The following SNAP91 variants were observed in gnomAD, a reference collection of about 807,000 sequenced individuals.
SNAP91 encodes the protein synaptosome associated protein 91.
A neutral mutation model predicts 100.3 loss-of-function variants in SNAP91; 27 were observed. The observed-to-expected ratio is 0.27, with a 90% CI of 0.20 to 0.37. The LOEUF is 0.37. Among genes scored for constraint, SNAP91 ranks in the 10% least tolerant of loss-of-function variants. The pLI, the probability that SNAP91 is intolerant of heterozygous loss-of-function variation, is 1.00. For synonymous variants in SNAP91, 404 were observed against 398.6 expected (o/e 1.01, Z -0.16); for missense variants, 986 against 1,123.7 (o/e 0.88, Z 1.75).
intron 3 of SNAP91, among the ~76,000 whole-genome samples, chr6:83,664,795 T>C (rs2098644826): frequency 6.6e-6 from 1 of 152,178 alleles, no homozygotes. Flanking sequence ...GATAAAATGC[T>C]GTCAAAGAGC....
rs1392354468 is a variant in SNAP91, at chr6:83,617,054, T to G, written c.808-15A>C. Reference sequence around the variant, plus strand: ...CTGCTGGGAGCCTACAATAAGAAAGTAAAAATAAATGTCTGCATTGTTTAC... The same window carrying G: ...CTGCTGGGAGCCTACAATAAGAAAGGAAAAATAAATGTCTGCATTGTTTAC... On this transcript the variant is annotated splice_polypyrimidine_tract_variant and intron_variant, in intron 9 of 29. Transcript: ENST00000369694. The G allele has an allele frequency of 9.3e-6, 14 of 1,502,834 alleles. No individual in the cohort carries two copies. The highest frequency in any genetic ancestry group is 1.2e-5 in the Non-Finnish European group (13 of 1,110,804). 93.1% of individuals were successfully genotyped at this position (1,502,834 alleles called of 1,614,324 possible).
At chr6:83,615,716 T>G (rs2096446736) in intron 10 of SNAP91, among the ~76,000 whole-genome samples, 1 of 152,128 alleles carries the variant, frequency 6.6e-6, no homozygotes, top group Non-Finnish European at 1.5e-5. Context: ...ACTGCAAATT[T>G]AAAACACGCA....
intron 2 of SNAP91, among the ~76,000 whole-genome samples, chr6:83,692,461 G>A (rs2099143557): frequency 6.6e-6 from 1 of 151,832 alleles, no homozygotes; most frequent in South Asian, 2.1e-4. Flanking sequence ...GTTACAGTGA[G>A]CTGAGATCTC....
chr6:83,558,491 A>G (rs1376057447), intron 28 of SNAP91, among the ~76,000 whole-genome samples: 1 of 152,238 alleles, frequency 6.6e-6, no homozygotes, highest in Non-Finnish European at 1.5e-5. Flanking sequence ...AGGGTTTCTC[A>G]CATTCTAAAT....
At chr6:83,641,263 CTTATG>C in intron 7 of SNAP91, 61 bp from the exon 8 acceptor site, 1 of 744,088 alleles carries the variant, frequency 1.3e-6, no homozygotes, top group African/African-American at 1.9e-5. Flanking sequence ...TTTTTCTAAG[CTTATG>C]TTAAGATTAC....
intron 5 of SNAP91, among the ~76,000 whole-genome samples, chr6:83,659,606 G>C (rs1383981929): frequency 6.6e-6 from 1 of 151,618 alleles, no homozygotes. Context: ...TAAAAAATTT[G>C]TTTTGGTAGG....
chr6:83,601,495 A>G, intron 15 of SNAP91, 57 bp from the exon 16 acceptor site: 1 of 1,611,844 alleles, frequency 6.2e-7, no homozygotes, highest in Non-Finnish European at 8.5e-7. Context: ...AGGACAAAAG[A>G]TATACCAGAC....
At chr6:83,605,627 G>A (rs1178159224) in intron 14 of SNAP91, 58 bp downstream of exon 14, 1 of 1,544,802 alleles carries the variant, frequency 6.5e-7, no homozygotes, top group Non-Finnish European at 8.7e-7. Flanking sequence ...TATAGCCTAA[G>A]TAAAAACAAT....
intron 22 of SNAP91, among the ~76,000 whole-genome samples, chr6:83,590,043 C>A (rs1267853913): frequency 6.6e-6 from 1 of 152,136 alleles, no homozygotes; most frequent in East Asian, 1.9e-4. Flanking sequence ...GGCAGCTTCC[C>A]AGTGGTGATG....
chr6:83,592,881 T>A, intron 20 of SNAP91, 65 bp downstream of exon 20: 1 of 1,198,610 alleles, frequency 8.3e-7, no homozygotes, highest in Non-Finnish European at 1.2e-6. Context: ...ACATGTTATA[T>A]CCTTCTCTCT....
chr6:83,690,483 A>C, intron 2 of SNAP91: 67 of 1,112,130 alleles, frequency 6.0e-5, no homozygotes, highest in East Asian at 1.2e-4. Context: ...GAAAATACTC[A>C]ACTCTCTGCT....
chr6:83,555,386 T>C (rs1256627920), intron 29 of SNAP91, among the ~76,000 whole-genome samples: 1 of 152,174 alleles, frequency 6.6e-6, no homozygotes, highest in Admixed American at 6.5e-5. Context: ...CCTGGGCAAA[T>C]TCCTTAATGC....
intron 6 of SNAP91, 69 bp downstream of exon 6, chr6:83,658,930 C>T (rs987215933): frequency 7.6e-5 from 89 of 1,174,802 alleles, no homozygotes; most frequent in South Asian, 1.4e-4. Context: ...TTTGGATTTA[C>T]CTGTAGCCCA....
chr6:83,617,083 C>A, intron 9 of SNAP91, 44 bp from the exon 10 acceptor site: 1 of 1,274,012 alleles, frequency 7.8e-7, no homozygotes. Context: ...TGTTTACTTT[C>A]AATGTAAACA....
intron 2 of SNAP91, among the ~76,000 whole-genome samples, chr6:83,666,314 T>G (rs2098685127): frequency 6.6e-6 from 1 of 151,872 alleles, no homozygotes; most frequent in South Asian, 2.1e-4. Context: ...TGTCAAAGAG[T>G]TAGCTGGGAC....
intron 8 of SNAP91, among the ~76,000 whole-genome samples, chr6:83,630,987 C>T (rs2097184488): frequency 6.6e-6 from 1 of 152,004 alleles, no homozygotes; most frequent in African/African-American, 2.4e-5. Context: ...GGGCTATGAC[C>T]TTTCCTCTTA....
chr6:83,708,106 C>T (rs1316191417), intron 1 of SNAP91, 149 bp from the exon 2 acceptor site: 5 of 652,924 alleles, frequency 7.7e-6, no homozygotes, highest in South Asian at 2.4e-5. Context: ...ACGCGCCAAG[C>T]CCCGCTCCTG....
At chr6:83,661,659 C>CAAAGCACA in intron 4 of SNAP91, 55 bp from the exon 5 acceptor site, 3 of 1,010,146 alleles carry the variant, frequency 3.0e-6, no homozygotes, top group African/African-American at 1.6e-5. Context: ...TTCAACTGTG[C>CAAAGCACA]TTTGCATAGT....
At chr6:83,631,397 T>C (rs774624573) in intron 8 of SNAP91, among the ~76,000 whole-genome samples, 3 of 152,202 alleles carry the variant, frequency 2.0e-5, no homozygotes, top group Non-Finnish European at 2.9e-5. Flanking sequence ...GTTTCTTTGT[T>C]GACTTTCTGT....
Sources: gnomAD v4.1 joint callset for allele counts (sites outside exome capture counted in the v4.1 genomes callset) on GRCh38, gnomAD v4.1.1 for gene constraint, MANE v1.5 for transcripts, NCBI Gene and HGNC (gene_info 2026-07-23, HGNC 2026-07-21) for gene names.